CHLSN: variants seen among roughly 807,000 people sequenced by gnomAD.
CHLSN encodes protein cholesin.
At chr7:1,074,613 C>T in the CHLSN span, 1 of 152,256 alleles carries the variant, frequency 6.6e-6, no homozygotes, top group Non-Finnish European at 1.5e-5. Flanking sequence ...TGGAGACACC[C>T]CAAAAAACGC....
chr7:1,113,195 A>G, the CHLSN span, among the ~76,000 whole-genome samples: 14 of 149,298 alleles, frequency 9.4e-5, no homozygotes, highest in East Asian at 2.7e-3. Flanking sequence ...GCCAGGCCAC[A>G]CAGGCCCCTC....
At chr7:1,011,670 A>G in the CHLSN span, among the ~76,000 whole-genome samples, 1 of 147,706 alleles carries the variant, frequency 6.8e-6, no homozygotes, top group Non-Finnish European at 1.5e-5. Flanking sequence ...AAACACACCC[A>G]GAGACACCCA....
chr7:1,022,476 A>G, the CHLSN span, among the ~76,000 whole-genome samples: 1 of 152,354 alleles, frequency 6.6e-6, no homozygotes, highest in African/African-American at 2.4e-5. Flanking sequence ...CTGAGAAACA[A>G]GAGTTTTTTA....
the CHLSN span, among the ~76,000 whole-genome samples, chr7:992,848 C>T: frequency 1.3e-5 from 2 of 152,222 alleles, no homozygotes; most frequent in East Asian, 1.9e-4. Flanking sequence ...GCTGTCTCTC[C>T]GGGCAGGTCT....
the CHLSN span, among the ~76,000 whole-genome samples, chr7:1,020,772 G>A: frequency 2.0e-5 from 3 of 152,208 alleles, no homozygotes; most frequent in South Asian, 4.1e-4. Context: ...CCCTGCAGAC[G>A]GCCTGGGCCT....
chr7:1,092,776 C>G, the CHLSN span: 1 of 1,613,652 alleles, frequency 6.2e-7, no homozygotes, highest in Non-Finnish European at 8.5e-7. Context: ...GGCCCTGAAC[C>G]GCTTCTGTCA....
the CHLSN span, chr7:1,093,271 T>C: frequency 2.3e-6 from 1 of 442,746 alleles, no homozygotes; most frequent in Non-Finnish European, 4.7e-6. Flanking sequence ...CTAAAGCAAA[T>C]CTGCCACCGT....
At chr7:1,037,076 A>G in the CHLSN span, among the ~76,000 whole-genome samples, 1 of 147,406 alleles carries the variant, frequency 6.8e-6, no homozygotes, top group Admixed American at 6.8e-5. Flanking sequence ...ACACCACTGC[A>G]CTCCAGCCTG....
the CHLSN span, among the ~76,000 whole-genome samples, chr7:981,296 C>CA: frequency 0.051 from 4,271 of 84,180 alleles, 211 homozygotes; most frequent in African/African-American, 0.16. Flanking sequence ...GACTCCATCT[C>CA]AAAAAAAAAA....
chr7:978,547 G>A, the CHLSN span, among the ~76,000 whole-genome samples: 1 of 152,152 alleles, frequency 6.6e-6, no homozygotes, highest in Non-Finnish European at 1.5e-5. Flanking sequence ...TCAGAGGAGG[G>A]AACGAACCTT....
At chr7:1,057,651 G>C in the CHLSN span, 2 of 770,364 alleles carry the variant, frequency 2.6e-6, no homozygotes, top group African/African-American at 1.7e-5. Context: ...GTGCTACAAC[G>C]CCCTGCTGGT....
chr7:1,011,671 GAGACACCCACAGATGCCCACACACCC>G, the CHLSN span, among the ~76,000 whole-genome samples: 1 of 133,092 alleles, frequency 7.5e-6, no homozygotes, highest in Non-Finnish European at 1.6e-5. Context: ...AACACACCCA[GAGACACCCACAGATGCCCACACACCC>G]AGACACCCAC....
the CHLSN span, among the ~76,000 whole-genome samples, chr7:1,016,874 G>GCCAGCA: frequency 1.6e-5 from 1 of 61,994 alleles, no homozygotes; most frequent in African/African-American, 1.2e-4. Flanking sequence ...ACACAGCAGC[G>GCCAGCA]CACAGCAGCA....
chr7:1,007,513 A>C, the CHLSN span, among the ~76,000 whole-genome samples: 76 of 152,194 alleles, frequency 5.0e-4, no homozygotes. Context: ...CCACACATCC[A>C]CGTGGGCTCT....
At chr7:1,034,559 A>G in the CHLSN span, among the ~76,000 whole-genome samples, 1 of 152,228 alleles carries the variant, frequency 6.6e-6, no homozygotes, top group Admixed American at 6.5e-5. Context: ...GGAGACACAC[A>G]GAGGAACAGA....
the CHLSN span, among the ~76,000 whole-genome samples, chr7:1,037,144 A>G: frequency 6.8e-6 from 1 of 146,786 alleles, no homozygotes; most frequent in East Asian, 1.9e-4. Flanking sequence ...CCAGTAATAG[A>G]AAGGATTTAC....
chr7:1,113,625 G>A, the CHLSN span, among the ~76,000 whole-genome samples: 1 of 152,180 alleles, frequency 6.6e-6, no homozygotes, highest in African/African-American at 2.4e-5. Context: ...ACGCTCCACA[G>A]GACTCCTTCC....
At chr7:1,043,924 T>G in the CHLSN span, 1 of 152,420 alleles carries the variant, frequency 6.6e-6, no homozygotes, top group East Asian at 1.9e-4. Flanking sequence ...CAGAATGTGC[T>G]GCAGGGGGGA....
chr7:1,079,520 C>A, the CHLSN span, among the ~76,000 whole-genome samples: 197 of 152,360 alleles, frequency 1.3e-3, no homozygotes, highest in African/African-American at 4.5e-3. Context: ...CCTATAACTA[C>A]TTATCCATTA....
Sources: allele counts gnomAD v4.1 joint callset (sites outside exome capture counted in the v4.1 genomes callset), GRCh38; gene constraint gnomAD v4.1.1; transcripts MANE v1.5; gene names NCBI Gene and HGNC (gene_info 2026-07-23, HGNC 2026-07-21).